Variants in HINT3 observed in about 807,000 individuals in gnomAD.
HINT3 encodes the protein adenosine 5'-monophosphoramidase HINT3.
Under a neutral mutation model 19.1 loss-of-function variants are expected in HINT3, and 16 were observed. The ratio of observed to expected loss-of-function variants is 0.84; its 90% CI spans 0.57 to 1.27. The LOEUF is 1.27. Among genes scored for constraint, HINT3 ranks in the 50% most tolerant of loss-of-function variants. The pLI, the probability that HINT3 is intolerant of heterozygous loss-of-function variation, is 0.00. For synonymous variants in HINT3, 75 were observed against 84.8 expected (o/e 0.88, Z 0.63); for missense variants, 197 against 225.8 (o/e 0.87, Z 0.82).
intron 1 of HINT3, 53 bp downstream of exon 1, chr6:125,957,231 G>A: frequency 6.7e-7 from 1 of 1,492,954 alleles, no homozygotes; most frequent in Non-Finnish European, 9.0e-7. Flanking sequence ...GCCCCTCGGA[G>A]CTCCGGCAGG....
At chr6:125,975,007 A>C in intron 4 of HINT3, 34 bp downstream of exon 4, 1 of 1,598,024 alleles carries the variant, frequency 6.3e-7, no homozygotes, top group Non-Finnish European at 8.5e-7. Context: ...AGCATACAAA[A>C]ATATTTAAAA....
At chr6:125,972,384 T>C (rs1789114158) in intron 3 of HINT3, 56 bp downstream of exon 3, 1 of 1,068,656 alleles carries the variant, frequency 9.4e-7, no homozygotes, top group South Asian at 1.8e-5. Context: ...TTTTTCAAAA[T>C]GTCATTTCTC....
At chr6:125,962,213 C>CATATATAT (rs1215154343) in intron 1 of HINT3, among the ~76,000 whole-genome samples, 2 of 36,320 alleles carry the variant, frequency 5.5e-5, no homozygotes, top group Non-Finnish European at 8.1e-5. Context: ...TATATATACA[C>CATATATAT]ATATATATAT....
chr6:125,967,326 CTTTTT>C (rs537273461), intron 2 of HINT3, among the ~76,000 whole-genome samples: 18 of 95,186 alleles, frequency 1.9e-4, no homozygotes, highest in African/African-American at 5.8e-4. Context: ...ATTTTTATGA[CTTTTT>C]TTTTTTTTTT....
chr6:125,962,233 T>TACACATATATATATATATATATATATAC (rs1562212176), intron 1 of HINT3, among the ~76,000 whole-genome samples: 2 of 20,704 alleles, frequency 9.7e-5, no homozygotes, highest in Non-Finnish European at 1.4e-4. Context: ...TATATATATA[T>TACACATATATATATATATATATATATAC]ACACATATAT....
chr6:125,961,140 G>A (rs2179748), intron 1 of HINT3, among the ~76,000 whole-genome samples: 86,098 of 152,016 alleles, frequency 0.57, 26,738 homozygotes, highest in East Asian at 0.95. Context: ...TTTCATGGTA[G>A]AAATAAGACA....
chr6:125,974,737 T>C, intron 3 of HINT3, 110 bp from the exon 4 acceptor site: 2 of 1,028,554 alleles, frequency 1.9e-6, no homozygotes, highest in South Asian at 3.1e-5. Flanking sequence ...TGACAGTCTA[T>C]TTACCTTAGG....
chr6:125,970,832 T>A (rs943907393), intron 2 of HINT3, among the ~76,000 whole-genome samples: 23 of 152,110 alleles, frequency 1.5e-4, no homozygotes, highest in Admixed American at 7.9e-4. Context: ...AAAGACAGTA[T>A]AATTAAATTA....
chr6:125,962,126 G>A (rs1788933948), intron 1 of HINT3, among the ~76,000 whole-genome samples: 1 of 140,598 alleles, frequency 7.1e-6, no homozygotes. Flanking sequence ...GGAGTTATAA[G>A]CCAGGAATCG....
At chr6:125,958,409 G>A (rs1788871188) in intron 1 of HINT3, among the ~76,000 whole-genome samples, 1 of 152,176 alleles carries the variant, frequency 6.6e-6, no homozygotes, top group African/African-American at 2.4e-5. Context: ...TGGGTTGGGA[G>A]GAAGATGTTG....
intron 2 of HINT3, among the ~76,000 whole-genome samples, chr6:125,972,042 A>G (rs112828970): frequency 2.6e-5 from 4 of 152,182 alleles, no homozygotes; most frequent in African/African-American, 9.6e-5. Context: ...TGTTTTTTAG[A>G]GACGAGGTCT....
chr6:125,977,041 A>G (rs1789189236), intron 4 of HINT3, among the ~76,000 whole-genome samples: 1 of 152,186 alleles, frequency 6.6e-6, no homozygotes, highest in East Asian at 1.9e-4. Flanking sequence ...ATTTGTTACA[A>G]TCAATGAACC....
At chr6:125,973,359 G>A (rs1448243104) in intron 3 of HINT3, among the ~76,000 whole-genome samples, 6 of 152,074 alleles carry the variant, frequency 3.9e-5, no homozygotes, top group African/African-American at 7.2e-5. Context: ...GATTACAGGC[G>A]TGAGCCACTG....
At chr6:125,963,258 T>C (rs1562212692) in intron 1 of HINT3, among the ~76,000 whole-genome samples, 2 of 152,106 alleles carry the variant, frequency 1.3e-5, no homozygotes, top group Admixed American at 1.3e-4. Context: ...GTGAAGCTAG[T>C]GATAAGGTAT....
rs935439797 is a variant in HINT3 at position 125,957,085 on chromosome 6, C to CA, written c.110dup (p.Ser38ValfsTer32). The CA allele has an allele frequency of 1.9e-6, 3 of 1,550,840 alleles. No individual in the cohort carries two copies. Among genetic ancestry groups the CA allele is most frequent in the African/African-American group, 1.4e-5 (1 of 73,052 alleles). ...CAGTGGGGACCTGTGAAGCCGCTGGCAAGTCACCAGAGCCCAAGGACTACG... is the reference window on the plus strand; with the variant it reads ...CAGTGGGGACCTGTGAAGCCGCTGGCAAAGTCACCAGAGCCCAAGGACTACG... On this transcript the variant is annotated frameshift_variant, in exon 1 of 5. Transcript: ENST00000229633. LOFTEE classifies it high-confidence loss of function.
Position 125,962,247 on chromosome 6 carries a change from TATACACACATATATATATATATACATAC to T in HINT3, c.202-4636_202-4609del, listed in dbSNP as rs1562212231. On this transcript the variant is annotated intron_variant, in intron 1 of 4. Coordinates refer to ENST00000229633, the MANE Select transcript of HINT3 (RefSeq NM_138571.5). Reference sequence around the variant, plus strand: ...ATATATATATATACACATATATATATATACACACATATATATATATATACATACATATATATATACACATATATATATA... The same window carrying T: ...ATATATATATATACACATATATATATATATATATATACACATATATATATA... Among the ~76,000 whole-genome samples the T allele has an allele frequency of 2.6e-3, 75 of 28,882 alleles. 1 individual carries two copies. The highest frequency in any genetic ancestry group is 0.015 in the Middle Eastern group (1 of 68). 18.9% of individuals were successfully genotyped at this position (28,882 alleles called of 152,430 possible). A position where few individuals can be genotyped will look rare whatever the true frequency, so the allele number is the denominator to read the frequency against.
chr6:125,972,676 A>G (rs891532992), intron 3 of HINT3, among the ~76,000 whole-genome samples: 16 of 151,732 alleles, frequency 1.1e-4, no homozygotes, highest in Non-Finnish European at 2.2e-4. Context: ...TGCAGCCTCA[A>G]CCTCCCAGAC....
rs1368566647 is a variant in HINT3, at chr6:125,956,891, A to G, written c.-87A>G. 1 of 1,348,854 alleles carries G rather than the reference A, an allele frequency of 7.4e-7. No individual in the cohort carries two copies. Among genetic ancestry groups the G allele is most frequent in the Non-Finnish European group, 1.0e-6 (1 of 987,738 alleles). The allele number at this position is 1,348,854 out of a possible 1,614,324, so 83.6% of individuals were successfully genotyped here. On this transcript the variant is annotated 5_prime_UTR_variant, in exon 1 of 5. Transcript: ENST00000229633. ...CAGGCGAGGGGCGACGTCTCGAGGT[A>G]AAACGGAGGAGGTGCGGGACGCGGA... is the stretch of plus-strand genomic sequence containing the variant.
Position 125,956,957 on chromosome 6 carries a change from A to G in HINT3, c.-21A>G, listed in dbSNP as rs533220488. ...GTAGCCCTGGAGAGGCCGAGGCTCT[A>G]GGCCGCGAGGGGCGGGTGCAATGGC... is the stretch of plus-strand genomic sequence containing the variant. On this transcript the variant is annotated 5_prime_UTR_variant, in exon 1 of 5. Transcript: ENST00000229633. The G allele has an allele frequency of 2.6e-6, 4 of 1,548,362 alleles. No individual in the cohort carries two copies. Among genetic ancestry groups the G allele is most frequent in the Admixed American group, 2.0e-5 (1 of 50,952 alleles).
Sources: allele counts gnomAD v4.1 joint callset (sites outside exome capture counted in the v4.1 genomes callset), GRCh38; gene constraint gnomAD v4.1.1; transcripts MANE v1.5; gene names NCBI Gene and HGNC (gene_info 2026-07-23, HGNC 2026-07-21).